The following APPL1 variants were observed in gnomAD, a reference collection of about 807,000 sequenced individuals.
APPL1 encodes the protein adaptor protein, phosphotyrosine interacting with PH domain and leucine zipper 1.
Under a neutral mutation model 106.8 loss-of-function variants are expected in APPL1, and 42 were observed. The ratio of observed to expected loss-of-function variants is 0.39; its 90% CI spans 0.31 to 0.51. The LOEUF (loss-of-function observed/expected upper bound fraction) is 0.51, where lower values mean the gene tolerates loss of function less well. Ranked by LOEUF, APPL1 falls within the 20% of genes least tolerant of loss-of-function variation. The pLI is 0.75. For synonymous variants in APPL1, 263 were observed against 281.8 expected (o/e 0.93, Z 0.67); for missense variants, 769 against 858.2 (o/e 0.90, Z 1.30).
chr3:57,263,934 G>A (rs939264568), intron 19 of APPL1, among the ~76,000 whole-genome samples: 2 of 151,926 alleles, frequency 1.3e-5, no homozygotes, highest in Non-Finnish European at 2.9e-5. Flanking sequence ...TCATATGGTA[G>A]CTCTATTTTT....
At chr3:57,227,960 C>G in intron 1 of APPL1, 23 bp downstream of exon 1, 7 of 1,421,832 alleles carry the variant, frequency 4.9e-6, no homozygotes, top group Non-Finnish European at 6.5e-6. Flanking sequence ...AGCTGGTGGG[C>G]GACGAGGGAG....
intron 4 of APPL1, 182 bp downstream of exon 4, chr3:57,238,298 C>T: frequency 2.0e-6 from 1 of 507,670 alleles, no homozygotes; most frequent in Non-Finnish European, 3.4e-6. Flanking sequence ...CATTGTTTTC[C>T]AGGAATAAAC....
Position 57,261,253 on chromosome 3 carries a change from T to G in APPL1, c.1842+479T>G, listed in dbSNP as rs1007306099. Among the ~76,000 whole-genome samples the G allele has an allele frequency of 2.0e-5, 3 of 152,326 alleles. No homozygotes were observed. The East Asian group carries it at 5.8e-4, about 29-fold the overall frequency. Reference sequence around the variant, plus strand: ...GGCTTATTTCACGTAAGATAATGACTTCTAGTTCCATCCACGTTGTTGTGA... The same window carrying G: ...GGCTTATTTCACGTAAGATAATGACGTCTAGTTCCATCCACGTTGTTGTGA... On this transcript the variant is annotated intron_variant, in intron 19 of 21. Coordinates refer to ENST00000288266, the MANE Select transcript of APPL1 (RefSeq NM_012096.3).
intron 19 of APPL1, among the ~76,000 whole-genome samples, chr3:57,264,428 G>A (rs532345054): frequency 6.6e-6 from 1 of 151,958 alleles, no homozygotes; most frequent in Non-Finnish European, 1.5e-5. Flanking sequence ...GCCTGTGCTT[G>A]TGGGGTATTA....
At chr3:57,255,346 T>G (rs1256533841) in intron 13 of APPL1, among the ~76,000 whole-genome samples, 1 of 152,186 alleles carries the variant, frequency 6.6e-6, no homozygotes, top group Non-Finnish European at 1.5e-5. Context: ...CTCTTCTAAA[T>G]TGTAATCTGC....
chr3:57,245,935 A>G (rs1423102950), intron 7 of APPL1, 141 bp from the exon 8 acceptor site: 6 of 536,212 alleles, frequency 1.1e-5, no homozygotes, highest in Non-Finnish European at 1.8e-5. Flanking sequence ...AGATCAGAAA[A>G]CAGGAACATT....
At position 57,228,035 on chromosome 3, in the gene APPL1, G is replaced by A. The variant is rs2060662323; in HGVS notation, c.54+98G>A. The A allele has an allele frequency of 2.8e-6, 3 of 1,070,706 alleles. No individual in the cohort carries two copies. The South Asian group carries it at 8.8e-5, about 31-fold the overall frequency. The allele number at this position is 1,070,706 out of a possible 1,614,324, so 66.3% of individuals were successfully genotyped here. ...TCCCGCAGGTGCCCGCCCCGGCCCAGGTGGGGGCCGCCGCCGCCCTAGGTC... is the reference window on the plus strand; with the variant it reads ...TCCCGCAGGTGCCCGCCCCGGCCCAAGTGGGGGCCGCCGCCGCCCTAGGTC... On this transcript the variant is annotated intron_variant, in intron 1 of 21. Transcript: ENST00000288266. This position sits in a 1 kb window ranked among gnomAD's most constrained non-coding sequence, Gnocchi z 4.6.
At chr3:57,251,918 A>G (rs1368452339) in intron 11 of APPL1, among the ~76,000 whole-genome samples, 2 of 152,192 alleles carry the variant, frequency 1.3e-5, no homozygotes, top group South Asian at 2.1e-4. Context: ...TCATTGATGT[A>G]TATTTGAAAT....
chr3:57,245,542 T>C (rs1409070963), intron 7 of APPL1, among the ~76,000 whole-genome samples: 1 of 150,152 alleles, frequency 6.7e-6, no homozygotes, highest in Non-Finnish European at 1.5e-5. Flanking sequence ...CTGTTTTCAA[T>C]ATGCAGTTTT....
At chr3:57,246,520 A>C (rs1032618925) in intron 8 of APPL1, among the ~76,000 whole-genome samples, 1 of 152,336 alleles carries the variant, frequency 6.6e-6, no homozygotes, top group Admixed American at 6.5e-5. Flanking sequence ...TAGAGCTTCA[A>C]CTAAACACTT....
chr3:57,246,515 C>T (rs1411781086), intron 8 of APPL1, among the ~76,000 whole-genome samples: 6 of 152,124 alleles, frequency 3.9e-5, no homozygotes, highest in South Asian at 2.1e-4. Flanking sequence ...ATTGCTAGAG[C>T]TTCAACTAAA....
In APPL1 at chr3:57,231,141, C is replaced by T. The variant is rs185089993; in HGVS notation, c.54+3204C>T. Reference sequence around the variant, plus strand: ...AATCACGAGGTCAGGAGTTTGAGACCGACCTGGCCAACATAGTGAAACCCC... The same window carrying T: ...AATCACGAGGTCAGGAGTTTGAGACTGACCTGGCCAACATAGTGAAACCCC... On this transcript the variant is annotated intron_variant, in intron 1 of 21. Coordinates refer to ENST00000288266, the MANE Select transcript of APPL1 (RefSeq NM_012096.3). Among the ~76,000 whole-genome samples, 18 of 151,540 alleles carry T rather than the reference C, an allele frequency of 1.2e-4. No homozygotes were observed. In the East Asian group the frequency reaches 2.7e-3, roughly 23 times the overall value.
chr3:57,253,863 T>A, intron 13 of APPL1, 125 bp downstream of exon 13: 1 of 163,152 alleles, frequency 6.1e-6, no homozygotes. Context: ...AATGAGTAGC[T>A]TTTTTTTTTT....
chr3:57,233,487 A>G (rs535630058), intron 1 of APPL1, among the ~76,000 whole-genome samples: 20 of 144,920 alleles, frequency 1.4e-4, no homozygotes, highest in Non-Finnish European at 2.4e-4. Context: ...CCATTTTTAG[A>G]AAAAAAAAAA....
At position 57,252,425 on chromosome 3, in the gene APPL1, A is replaced by C. The variant is rs2060809586; in HGVS notation, c.1095+114A>C. 6 of 691,536 alleles carry C rather than the reference A, an allele frequency of 8.7e-6. No homozygotes were observed. The Admixed American group carries it at 2.0e-4, about 23-fold the overall frequency. 42.8% of individuals were successfully genotyped at this position (691,536 alleles called of 1,614,324 possible). A position where few individuals can be genotyped will look rare whatever the true frequency, so the allele number is the denominator to read the frequency against. On this transcript the variant is annotated intron_variant, in intron 12 of 21. Transcript: ENST00000288266. The stretch of plus-strand genomic sequence containing the variant: ...TTTTGGAAAATCCTAGTTAATTAAA[A>C]ATCTTTCTTTTTCTTTTTTGTTTTT...
chr3:57,264,581 AT>A (rs1463467542), intron 19 of APPL1, among the ~76,000 whole-genome samples: 4 of 146,226 alleles, frequency 2.7e-5, no homozygotes, highest in African/African-American at 8.1e-5. Flanking sequence ...AATAAAAAAA[AT>A]AAAAAAAAAT....
intron 11 of APPL1, among the ~76,000 whole-genome samples, chr3:57,251,184 T>C (rs2060802720): frequency 6.6e-6 from 1 of 151,086 alleles, no homozygotes; most frequent in Non-Finnish European, 1.5e-5. Flanking sequence ...TTTATGCGCA[T>C]TAAGATATTA....
chr3:57,267,262 T>C (rs939838445), intron 19 of APPL1, among the ~76,000 whole-genome samples: 10 of 152,378 alleles, frequency 6.6e-5, no homozygotes, highest in African/African-American at 2.4e-4. Context: ...CTAGGCTTAC[T>C]GAGCTGCTTG....
intron 13 of APPL1, among the ~76,000 whole-genome samples, chr3:57,256,296 C>T (rs907865562): frequency 6.6e-6 from 1 of 151,366 alleles, no homozygotes; most frequent in East Asian, 2.0e-4. Context: ...ACTATATGTA[C>T]GTGATTAAAA....
Sources: allele counts gnomAD v4.1 joint callset (sites outside exome capture counted in the v4.1 genomes callset), GRCh38; gene constraint gnomAD v4.1.1; non-coding constraint Gnocchi (gnomAD v3.1); transcripts MANE v1.5; gene names NCBI Gene and HGNC (gene_info 2026-07-23, HGNC 2026-07-21).